Variants in SPATA6L observed in about 807,000 individuals in gnomAD.
The protein encoded by SPATA6L is spermatogenesis associated 6 like, also known as spermatogenesis associated 6-like protein.
SPATA6L carries 68 observed loss-of-function variants against 49.2 expected under a neutral mutation model. The ratio of observed to expected loss-of-function variants is 1.38; its 90% CI spans 1.14 to 1.69. The LOEUF (loss-of-function observed/expected upper bound fraction) is 1.69. Ranked by LOEUF, SPATA6L falls within the 40% of genes most tolerant of loss-of-function variation. The pLI is 0.00. For synonymous variants in SPATA6L, 198 were observed against 165.7 expected, an observed-to-expected ratio of 1.19 and a Z score of -1.50; for missense variants, 668 against 464.3, an observed-to-expected ratio of 1.44 and a Z score of -4.03.
At chr9:4,594,366 T>C (rs753351407), downstream of SPATA6L, among the ~76,000 whole-genome samples, 3 of 152,150 alleles carry the variant, frequency 2.0e-5, no homozygotes, top group African/African-American at 4.8e-5. Flanking sequence ...CCCGCCAGCA[T>C]GCCTGGCTAA....
intron 9 of SPATA6L, among the ~76,000 whole-genome samples, chr9:4,615,186 C>T (rs1385096209): frequency 6.6e-6 from 1 of 152,232 alleles, no homozygotes; most frequent in Non-Finnish European, 1.5e-5. Context: ...AAGTACCACC[C>T]TTCTTCTTTA....
chr9:4,662,835 C>A lies in SPATA6L; in HGVS notation c.40-799G>T. The A allele has an allele frequency of 6.2e-7, 1 of 1,605,320 alleles. No individual in the cohort carries two copies. Among genetic ancestry groups the A allele is most frequent in the Non-Finnish European group, 8.5e-7 (1 of 1,179,960 alleles). On this transcript the variant is annotated intron_variant, in intron 1 of 11. Transcript: ENST00000682582. The surrounding 1 kb of genome is among the most constrained non-coding windows in gnomAD (Gnocchi z 4.9). ...CTGGCTGCTGGGCACCCTCTACTGC[C>A]TGTGCAGGAGCGACAGCTGGGCCGG...
At chr9:4,591,412 G>C (rs914088919) in intron 13 of SPATA6L, among the ~76,000 whole-genome samples, 5 of 152,222 alleles carry the variant, frequency 3.3e-5, no homozygotes, top group Non-Finnish European at 7.3e-5. Context: ...ATGAATCCGA[G>C]GTTATCCTGT....
intron 2 of SPATA6L, among the ~76,000 whole-genome samples, chr9:4,661,210 T>G (rs532299059): frequency 6.6e-6 from 1 of 152,344 alleles, no homozygotes; most frequent in East Asian, 1.9e-4. Flanking sequence ...AATGACATTG[T>G]TTGGGGCAAA....
intron 11 of SPATA6L, among the ~76,000 whole-genome samples, chr9:4,601,671 T>C (rs1019966942): frequency 6.6e-6 from 1 of 151,980 alleles, no homozygotes; most frequent in Non-Finnish European, 1.5e-5. Context: ...GTGAAACAGA[T>C]ATGGAGAAGG....
intron 3 of SPATA6L, among the ~76,000 whole-genome samples, chr9:4,648,520 G>T (rs1243822553): frequency 1.3e-5 from 2 of 151,794 alleles, no homozygotes; most frequent in African/African-American, 4.8e-5. Context: ...CTAACTCGGT[G>T]AAACCCCGTC....
rs1047981268 is a variant in SPATA6L at position 4,604,172 on chromosome 9, A to T, written c.*1+7T>A. The T allele has an allele frequency of 6.3e-7, 1 of 1,597,640 alleles. No individual in the cohort carries two copies. The highest frequency in any genetic ancestry group is 1.3e-5 in the African/African-American group (1 of 74,608). On this transcript the variant is annotated splice_region_variant and intron_variant, in intron 11 of 11. Transcript: ENST00000682582. The stretch of plus-strand genomic sequence containing the variant: ...CACTTAAGCTGCTTACTTACATAAG[A>T]CAGTACCTTAAAAATATCTCTGTTC...
chr9:4,653,127 C>T (rs73395706), intron 3 of SPATA6L, among the ~76,000 whole-genome samples: 5,224 of 152,188 alleles, frequency 0.034, 281 homozygotes, highest in African/African-American at 0.12. Flanking sequence ...TACAAAGCTA[C>T]GGTAACAGGA....
rs1484488235 is a variant in SPATA6L at position 4,662,040 on chromosome 9, A to G, written c.40-4T>C. On this transcript the variant is annotated splice_region_variant and splice_polypyrimidine_tract_variant and intron_variant, in intron 1 of 11. Coordinates refer to ENST00000682582, the MANE Select transcript of SPATA6L (RefSeq NM_001353486.2). The surrounding 1 kb of genome is among the most constrained non-coding windows in gnomAD (Gnocchi z 4.9). Reference sequence around the variant, plus strand: ...GGAACACTCCTGGGCAAGAAATCTTAAAAAGAAAGAAAACAACAAACAAGG... The same window carrying G: ...GGAACACTCCTGGGCAAGAAATCTTGAAAAGAAAGAAAACAACAAACAAGG... 1.9e-6 allele frequency: 3 copies of G among 1,612,936 alleles called. No homozygotes were observed. Among genetic ancestry groups the G allele is most frequent in the Non-Finnish European group, 1.7e-6 (2 of 1,179,566 alleles).
intron 3 of SPATA6L, among the ~76,000 whole-genome samples, chr9:4,651,845 A>G (rs1291762724): frequency 1.3e-5 from 2 of 152,202 alleles, no homozygotes; most frequent in East Asian, 3.9e-4. Flanking sequence ...TTAATATTAC[A>G]ACTAATGGTG....
chr9:4,634,212 A>T (rs1832285614), intron 4 of SPATA6L, among the ~76,000 whole-genome samples: 1 of 152,238 alleles, frequency 6.6e-6, no homozygotes, highest in Admixed American at 6.5e-5. Context: ...CCCCTACCTA[A>T]TTCTCATCAG....
At chr9:4,596,588 T>G (rs1418108173), downstream of SPATA6L, 1 of 152,196 alleles carries the variant, frequency 6.6e-6, no homozygotes, top group African/African-American at 2.4e-5. Context: ...GGGGACTTCC[T>G]AAAAATGCCG....
At chr9:4,649,272 G>C (rs554861954) in intron 3 of SPATA6L, among the ~76,000 whole-genome samples, 2 of 152,188 alleles carry the variant, frequency 1.3e-5, no homozygotes, top group East Asian at 3.9e-4. Context: ...TCAAATGATA[G>C]TTCTACTTTT....
rs779841387 is a variant in SPATA6L, at chr9:4,622,440, T to C, written c.740A>G (p.Lys247Arg). 1 of 1,613,784 alleles carries C rather than the reference T, an allele frequency of 6.2e-7. No homozygotes were observed. Residue 247 changes from lysine (K) to arginine (R), a missense_variant, in exon 7 of 12, where the codon AAG becomes AGG. Physicochemically the swap from Lys to Arg is conservative, Grantham distance 26. Coordinates refer to ENST00000682582, the MANE Select transcript of SPATA6L (RefSeq NM_001353486.2). ...HHLRRSRRKSKFSDFPFPTRR... is the reference protein window; with the variant it reads ...HHLRRSRRKSRFSDFPFPTRR... ...CGTTGGAAACGGAAAGTCTGAAAAC[T>C]TAGATTTTCTTCTAGACCTCCTCAA...
chr9:4,647,838 T>TTTTG (rs200746429), intron 3 of SPATA6L, among the ~76,000 whole-genome samples: 10 of 82,382 alleles, frequency 1.2e-4, no homozygotes, highest in African/African-American at 9.0e-4. Context: ...CATTTTAGTT[T>TTTTG]TTTTTTTTTT....
rs146226090 is a variant in SPATA6L at position 4,627,920 on chromosome 9, A to T, written c.429+1171T>A. ...TATTACATACACATAATGGAGTGCT[A>T]TTCAGCCATTATTTTTTATGTCTTG... On this transcript the variant is annotated intron_variant, in intron 5 of 11. Transcript: ENST00000682582. 3.4e-5 allele frequency: 25 copies of T among 727,768 alleles called. No individual in the cohort carries two copies. In the East Asian group the frequency reaches 1.7e-3, roughly 50 times the overall value. 45.1% of individuals were successfully genotyped at this position (727,768 alleles called of 1,614,324 possible).
chr9:4,641,650 C>A (rs987034613), intron 3 of SPATA6L, among the ~76,000 whole-genome samples: 2 of 152,180 alleles, frequency 1.3e-5, no homozygotes, highest in African/African-American at 2.4e-5. Flanking sequence ...GGATGTGGAA[C>A]TTGACAATCA....
intron 13 of SPATA6L, among the ~76,000 whole-genome samples, chr9:4,589,226 T>C (rs1351980199): frequency 2.0e-5 from 3 of 152,254 alleles, no homozygotes; most frequent in East Asian, 1.9e-4. Flanking sequence ...ATGTGATGCA[T>C]GTAGCAAAGA....
At chr9:4,596,847 C>T (rs927136091), downstream of SPATA6L, among the ~76,000 whole-genome samples, 3 of 152,148 alleles carry the variant, frequency 2.0e-5, no homozygotes, top group South Asian at 6.2e-4. Flanking sequence ...GGAAACAAGA[C>T]AGAGCAGGGT....
Sources: gnomAD v4.1 joint callset for allele counts (sites outside exome capture counted in the v4.1 genomes callset) on GRCh38, gnomAD v4.1.1 for gene constraint, Gnocchi (gnomAD v3.1) non-coding constraint, MANE v1.5 for transcripts, NCBI Gene and HGNC (gene_info 2026-07-23, HGNC 2026-07-21) for gene names.